The following PRELID2 variants were observed in gnomAD, a reference collection of about 807,000 sequenced individuals.
PRELID2 encodes the protein PRELI domain-containing protein 2.
PRELID2 carries 25 observed loss-of-function variants against 28.4 expected under a neutral mutation model. The ratio of observed to expected loss-of-function variants is 0.88; its 90% CI spans 0.64 to 1.23. The LOEUF (loss-of-function observed/expected upper bound fraction) is 1.23, where lower values mean the gene tolerates loss of function less well. PRELID2 is among the 50% of genes most tolerant of loss of function. The pLI is 0.00. For synonymous variants in PRELID2, 76 were observed against 71.6 expected, an observed-to-expected ratio of 1.06 and a Z score of -0.31; for missense variants, 201 against 214.4, an observed-to-expected ratio of 0.94 and a Z score of 0.39.
the PRELID2 span, among the ~76,000 whole-genome samples, chr5:145,309,015 T>A: frequency 1.3e-5 from 2 of 152,172 alleles, no homozygotes; most frequent in Non-Finnish European, 2.9e-5. Context: ...GAGTCTGAGG[T>A]CTCTTTTGTA....
chr5:145,822,462 A>G (rs1215214556), intron 2 of PRELID2, among the ~76,000 whole-genome samples: 1 of 152,236 alleles, frequency 6.6e-6, no homozygotes, highest in Admixed American at 6.5e-5. Context: ...TGTTCCAGTC[A>G]AACTTTATTT....
downstream of PRELID2, among the ~76,000 whole-genome samples, chr5:145,753,002 G>T (rs1375521201): frequency 6.6e-6 from 1 of 152,228 alleles, no homozygotes; most frequent in East Asian, 1.9e-4. Flanking sequence ...GTTTTCAAAT[G>T]TAAGGAGACA....
At chr5:145,313,834 G>A in the PRELID2 span, among the ~76,000 whole-genome samples, 2 of 152,132 alleles carry the variant, frequency 1.3e-5, no homozygotes, top group African/African-American at 2.4e-5. Flanking sequence ...GTAGCAAGGT[G>A]CAACAAAATA....
At chr5:145,613,621 T>C (rs1416761921) in intron 1 of PRELID2, among the ~76,000 whole-genome samples, 1 of 152,060 alleles carries the variant, frequency 6.6e-6, no homozygotes, top group Non-Finnish European at 1.5e-5. Context: ...AGAACATTTG[T>C]ATATCTTCTT....
intron 1 of PRELID2, among the ~76,000 whole-genome samples, chr5:145,480,706 AT>A (rs1325313365): frequency 6.6e-6 from 1 of 152,056 alleles, no homozygotes; most frequent in Non-Finnish European, 1.5e-5. Flanking sequence ...TTGTTAAGTG[AT>A]TTTTTCCTCT....
At chr5:145,338,852 C>A in the PRELID2 span, among the ~76,000 whole-genome samples, 8 of 152,176 alleles carry the variant, frequency 5.3e-5, no homozygotes, top group African/African-American at 1.9e-4. Flanking sequence ...ATTCACTATG[C>A]CCTTGTGTTC....
chr5:145,351,121 A>G, the PRELID2 span, among the ~76,000 whole-genome samples: 1 of 152,208 alleles, frequency 6.6e-6, no homozygotes, highest in African/African-American at 2.4e-5. Context: ...CAAGCTTACA[A>G]AGCCAGTAAA....
chr5:145,782,846 T>C (rs927125988), intron 5 of PRELID2, among the ~76,000 whole-genome samples: 4 of 152,322 alleles, frequency 2.6e-5, no homozygotes, highest in East Asian at 1.9e-4. Context: ...GGTTAGACAC[T>C]GAAGGAAGGG....
the PRELID2 span, among the ~76,000 whole-genome samples, chr5:145,260,929 C>G: frequency 6.6e-6 from 1 of 152,112 alleles, no homozygotes; most frequent in Non-Finnish European, 1.5e-5. Context: ...GTTCTCAGCC[C>G]TGCTCACTGG....
the PRELID2 span, among the ~76,000 whole-genome samples, chr5:145,385,731 G>T: frequency 1.3e-5 from 2 of 152,106 alleles, no homozygotes; most frequent in African/African-American, 2.4e-5. Context: ...AGCCAATTGT[G>T]ATGTTCTTTA....
chr5:145,385,655 T>G, the PRELID2 span, among the ~76,000 whole-genome samples: 2 of 152,198 alleles, frequency 1.3e-5, no homozygotes, highest in African/African-American at 4.8e-5. Context: ...ACCAAGAACT[T>G]TTGGCCTATA....
intron 1 of PRELID2, among the ~76,000 whole-genome samples, chr5:145,508,917 C>A (rs2126639482): frequency 6.6e-6 from 1 of 152,260 alleles, no homozygotes; most frequent in Non-Finnish European, 1.5e-5. Context: ...TGAACTGAGG[C>A]TTGACTCTCC....
chr5:145,557,591 G>A (rs1227126678), intron 1 of PRELID2, among the ~76,000 whole-genome samples: 1 of 152,236 alleles, frequency 6.6e-6, no homozygotes, highest in Non-Finnish European at 1.5e-5. Context: ...GATGCCGCTG[G>A]TGGAGCAAGA....
chr5:145,822,345 G>A (rs975389779), intron 2 of PRELID2, among the ~76,000 whole-genome samples: 2 of 152,172 alleles, frequency 1.3e-5, no homozygotes, highest in African/African-American at 4.8e-5. Context: ...AGAATCAGGT[G>A]CTAAATAATT....
intron 1 of PRELID2, among the ~76,000 whole-genome samples, chr5:145,686,441 C>T (rs1443152839): frequency 6.6e-6 from 1 of 152,048 alleles, no homozygotes; most frequent in African/African-American, 2.4e-5. Context: ...CCACCATGCC[C>T]TTAGCAACAA....
intron 1 of PRELID2, among the ~76,000 whole-genome samples, chr5:145,730,351 C>T (rs1756303388): frequency 6.6e-6 from 1 of 152,162 alleles, no homozygotes; most frequent in Non-Finnish European, 1.5e-5. Context: ...AATTCTACCC[C>T]ATGCCCGTAA....
rs754661416 is a variant in PRELID2 at position 145,818,074 on chromosome 5, T to C, written c.208-20A>G. 2.5e-6 allele frequency: 4 copies of C among 1,609,550 alleles called. No individual in the cohort carries two copies. The highest frequency in any genetic ancestry group is 1.7e-5 in the Admixed American group (1 of 59,440). ...GCTCACCTGTCCAACAGAAAGAAAA[T>C]GGCTTTTTCAATTTAGGAAGAGCAG... is the stretch of plus-strand genomic sequence containing the variant. On this transcript the variant is annotated intron_variant, in intron 3 of 6. Transcript: ENST00000683046.
intron 1 of PRELID2, among the ~76,000 whole-genome samples, chr5:145,539,574 T>TA (rs1460543473): frequency 1.3e-5 from 2 of 152,080 alleles, no homozygotes; most frequent in Admixed American, 6.6e-5. Flanking sequence ...TTTTGTATTA[T>TA]AAAAAATATA....
At chr5:145,735,398 C>T (rs1257814958) in intron 1 of PRELID2, among the ~76,000 whole-genome samples, 2 of 151,950 alleles carry the variant, frequency 1.3e-5, no homozygotes, top group African/African-American at 4.8e-5. Flanking sequence ...TATACACACT[C>T]AGAAACACAA....
Sources: allele counts gnomAD v4.1 joint callset (sites outside exome capture counted in the v4.1 genomes callset), GRCh38; gene constraint gnomAD v4.1.1; transcripts MANE v1.5; gene names NCBI Gene and HGNC (gene_info 2026-07-23, HGNC 2026-07-21).